DOK1: variants seen among roughly 807,000 people sequenced by gnomAD.
The protein encoded by DOK1 is docking protein 1.
DOK1 carries 12 observed loss-of-function variants against 24.0 expected under a neutral mutation model. That is an observed-to-expected ratio of 0.50 (90% confidence interval 0.32 to 0.81). The LOEUF is 0.81. Ranked by LOEUF, DOK1 falls within the 30% of genes least tolerant of loss-of-function variation. The pLI is 0.03. For synonymous variants in DOK1, 250 were observed against 260.9 expected (o/e 0.96, Z 0.40); for missense variants, 591 against 620.7 (o/e 0.95, Z 0.51).
At position 74,557,271 on chromosome 2, in the gene DOK1, A is replaced by G. The variant is rs2104477052; in HGVS notation, c.*157A>G. ...GGATGGGAGAGTCAAGGGAAGGACA[A>G]TCCCAGGAAGTCCTAAGAAGTGGGG... On this transcript the variant is annotated 3_prime_UTR_variant, in exon 5 of 5. Transcript: ENST00000233668. The G allele has an allele frequency of 1.3e-6, 1 of 759,104 alleles. No individual in the cohort carries two copies. The highest frequency in any genetic ancestry group is 2.7e-5 in the East Asian group (1 of 36,710). 47.0% of individuals were successfully genotyped at this position (759,104 alleles called of 1,614,324 possible).
chr2:74,549,246 T>C lies in DOK1; in HGVS notation c.-358+74T>C. On this transcript the variant is annotated intron_variant, in intron 1 of 4. Coordinates refer to the DOK1 transcript ENST00000409429. The surrounding 1 kb of genome is among the most constrained non-coding windows in gnomAD (Gnocchi z 5.3). ...CCAGCTTTGCAACGGCCTCCATATT[T>C]TCCCGCGCGTCCCGACCCCCGGGTC... 1 of 1,142,946 alleles carries C rather than the reference T, an allele frequency of 8.7e-7. No homozygotes were observed. 70.8% of individuals were successfully genotyped at this position (1,142,946 alleles called of 1,614,324 possible).
chr2:74,555,061 C>T lies in DOK1; in HGVS notation c.61-93C>T, dbSNP rs1417049904. 1 of 1,484,168 alleles carries T rather than the reference C, an allele frequency of 6.7e-7. No individual in the cohort carries two copies. The highest frequency in any genetic ancestry group is 9.0e-7 in the Non-Finnish European group (1 of 1,110,784). The allele number at this position is 1,484,168 out of a possible 1,614,324, so 91.9% of individuals were successfully genotyped here. ...CAACCCCGTTTGGAAGCCCCAGATC[C>T]CAAATCGACTTGCGCCGCAACCTCC... On this transcript the variant is annotated intron_variant, in intron 1 of 4. Transcript: ENST00000233668. The surrounding 1 kb of genome is among the most constrained non-coding windows in gnomAD (Gnocchi z 6.1).
upstream of DOK1, chr2:74,552,526 CCTT>C (rs1274995640): frequency 3.1e-6 from 5 of 1,613,344 alleles, no homozygotes; most frequent in Non-Finnish European, 4.2e-6. Flanking sequence ...TGGCTCCCGG[CCTT>C]CTTCTCAGGG....
At position 74,556,514 on chromosome 2, in the gene DOK1, A is replaced by C; in HGVS notation, c.846A>C (p.Pro282=). 6.2e-7 allele frequency: 1 copy of C among 1,614,098 alleles called. No individual in the cohort carries two copies. Among genetic ancestry groups the C allele is most frequent in the Non-Finnish European group, 8.5e-7 (1 of 1,179,994 alleles). ...GEVAEGKLPS[P]PGPQELLDSP... is the part of the protein sequence containing the mutation. ...TGGCAGAGGGGAAGTTGCCTTCCCC[A>C]CCTGGCCCCCAAGAGCTCCTCGACA... Residue 282 remains proline, a synonymous_variant, in exon 5 of 5, where the codon CCA becomes CCC. Coordinates refer to ENST00000233668, the MANE Select transcript of DOK1 (RefSeq NM_001381.5). The surrounding 1 kb of genome is among the most constrained non-coding windows in gnomAD (Gnocchi z 4.1).
In DOK1 at chr2:74,557,236, G is replaced by A; in HGVS notation, c.*122G>A. On this transcript the variant is annotated 3_prime_UTR_variant, in exon 5 of 5. Coordinates refer to ENST00000233668, the MANE Select transcript of DOK1 (RefSeq NM_001381.5). ...GAGGGGCCATGCTGTGTGAGACCAGGGGACCAGAGGGATGGGAGAGTCAAG... is the reference window on the plus strand; with the variant it reads ...GAGGGGCCATGCTGTGTGAGACCAGAGGACCAGAGGGATGGGAGAGTCAAG... 4.1e-6 allele frequency: 4 copies of A among 984,492 alleles called. No individual in the cohort carries two copies. The highest frequency in any genetic ancestry group is 5.9e-6 in the Non-Finnish European group (4 of 682,708). The allele number at this position is 984,492 out of a possible 1,614,324, so 61.0% of individuals were successfully genotyped here. A position where few individuals can be genotyped will look rare whatever the true frequency, so the allele number is the denominator to read the frequency against.
At chr2:74,550,082 T>G, upstream of DOK1, 1 of 1,485,750 alleles carries the variant, frequency 6.7e-7, no homozygotes, top group Non-Finnish European at 8.9e-7. Flanking sequence ...CCAATCCAAA[T>G]GATCCCCCAG....
At position 74,556,036 on chromosome 2, in the gene DOK1, G is replaced by A. The variant is rs749346210; in HGVS notation, c.597G>A (p.Leu199=). 2 of 1,611,230 alleles carry A rather than the reference G, an allele frequency of 1.2e-6. No homozygotes were observed. Residue 199 remains leucine, a synonymous_variant, in exon 4 of 5, where the codon CTG becomes CTA. Transcript: ENST00000233668. This position sits in a 1 kb window ranked among gnomAD's most constrained non-coding sequence, Gnocchi z 4.1. The part of the protein sequence containing the change: ...GAQSQILEPL[L]SWPYTLLRRY... The stretch of plus-strand genomic sequence containing the variant: ...AGAGTCAGATACTGGAGCCACTCCT[G>A]TCCTGGCCCTACACTCTGTTGCGTC...
Position 74,555,612 on chromosome 2 carries a change from C to G in DOK1, c.398C>G (p.Pro133Arg). The G allele has an allele frequency of 6.2e-7, 1 of 1,614,212 alleles. No individual in the cohort carries two copies. Among genetic ancestry groups the G allele is most frequent in the Non-Finnish European group, 8.5e-7 (1 of 1,180,030 alleles). The change falls in exon 3 of 5, where the codon CCT becomes CGT. Residue 133 changes from proline to arginine, a missense_variant. Coordinates refer to ENST00000233668, the MANE Select transcript of DOK1 (RefSeq NM_001381.5). This position sits in a 1 kb window ranked among gnomAD's most constrained non-coding sequence, Gnocchi z 6.1. ...SWTLAPTDNP[P>R]KLSALEMLEN... Reference sequence around the variant, plus strand: ...ACTCTGGCGCCTACCGATAACCCACCTAAGCTTTCTGCCCTGGAGATGCTG... The same window carrying G: ...ACTCTGGCGCCTACCGATAACCCACGTAAGCTTTCTGCCCTGGAGATGCTG...
chr2:74,550,107 TA>T, upstream of DOK1: 1 of 1,517,924 alleles, frequency 6.6e-7, no homozygotes. Flanking sequence ...AACTACCTTC[TA>T]ATGTCTCCGC....
chr2:74,553,006 A>G, upstream of DOK1: 1 of 231,746 alleles, frequency 4.3e-6, no homozygotes, highest in Non-Finnish European at 8.4e-6. Flanking sequence ...TGTGGGAATG[A>G]GAGAGAGAAA....
At chr2:74,553,716 T>G (rs1381582425), upstream of DOK1, among the ~76,000 whole-genome samples, 1 of 152,132 alleles carries the variant, frequency 6.6e-6, no homozygotes, top group Non-Finnish European at 1.5e-5. Flanking sequence ...GGTATGTGCC[T>G]CCTCCGTGTA....
chr2:74,550,061 C>T (rs2104444007), upstream of DOK1: 4 of 1,475,290 alleles, frequency 2.7e-6, no homozygotes, highest in South Asian at 1.4e-5. Flanking sequence ...TTTGCTTTTC[C>T]AAGTCTCCCA....
In DOK1 at chr2:74,556,349, C is replaced by T; in HGVS notation, c.681C>T (p.Gly227=). ...SFEAGRRCPS[G]PGTFTFQTAQ... ...AGGCCGGCCGCCGCTGCCCCTCAGG[C>T]CCTGGAACCTTCACCTTCCAGACGG... The change falls in exon 5 of 5, where the codon GGC becomes GGT. Residue 227 remains glycine, a synonymous_variant. Transcript: ENST00000233668. This position sits in a 1 kb window ranked among gnomAD's most constrained non-coding sequence, Gnocchi z 4.1. 1.2e-6 allele frequency: 2 copies of T among 1,613,762 alleles called. No homozygotes were observed. Among genetic ancestry groups the T allele is most frequent in the South Asian group, 1.1e-5 (1 of 91,084 alleles).
chr2:74,554,260 G>C (rs1677221626), upstream of DOK1: 1 of 156,102 alleles, frequency 6.4e-6, no homozygotes, highest in South Asian at 1.7e-4. The surrounding 1 kb of genome is among the most constrained non-coding windows in gnomAD (Gnocchi z 4.9). Context: ...CGGTGGTGGC[G>C]GGAAGCGGTT....
chr2:74,554,514 C>T, upstream of DOK1: 1 of 568,696 alleles, frequency 1.8e-6, no homozygotes, highest in African/African-American at 1.9e-5. This position sits in a 1 kb window ranked among gnomAD's most constrained non-coding sequence, Gnocchi z 4.9. Flanking sequence ...CGAGGACTTT[C>T]GGTGGAGCCA....
chr2:74,551,481 C>T (rs566977814), upstream of DOK1, among the ~76,000 whole-genome samples: 58 of 152,252 alleles, frequency 3.8e-4, no homozygotes, highest in Non-Finnish European at 7.2e-4. Context: ...TTCAGCCACA[C>T]GACTGTCCTT....
chr2:74,555,226 C>T lies in DOK1; in HGVS notation c.133C>T (p.His45Tyr). 6.2e-7 allele frequency: 1 copy of T among 1,613,750 alleles called. No individual in the cohort carries two copies. ...HGVARLEFFD[H>Y]KGSSSGGGRG... ...CGTAGCGCGGCTCGAGTTCTTTGACCATAAGGGGTCGAGCTCTGGGGGTGG... is the reference window on the plus strand; with the variant it reads ...CGTAGCGCGGCTCGAGTTCTTTGACTATAAGGGGTCGAGCTCTGGGGGTGG... The change falls in exon 2 of 5, where the codon CAT becomes TAT. Residue 45 changes from histidine (H) to tyrosine (Y), a missense_variant. Physicochemically the swap from His to Tyr is moderately conservative, Grantham distance 83. Coordinates refer to ENST00000233668, the MANE Select transcript of DOK1 (RefSeq NM_001381.5). The surrounding 1 kb of genome is among the most constrained non-coding windows in gnomAD (Gnocchi z 6.1).
At chr2:74,554,675 T>G, upstream of DOK1, 1 of 1,458,804 alleles carries the variant, frequency 6.9e-7, no homozygotes, top group Non-Finnish European at 9.4e-7. The surrounding 1 kb of genome is among the most constrained non-coding windows in gnomAD (Gnocchi z 4.9). Context: ...GGGCGGAAAC[T>G]CCTCCAGGGA....
In DOK1 at chr2:74,555,321, C is replaced by G; in HGVS notation, c.228C>G (p.Val76=). The G allele has an allele frequency of 6.2e-7, 1 of 1,614,076 alleles. No individual in the cohort carries two copies. Among genetic ancestry groups the G allele is most frequent in the Non-Finnish European group, 8.5e-7 (1 of 1,179,990 alleles). The stretch of plus-strand genomic sequence containing the variant: ...CTGAGTGTGTGAGTGTGGCCCCCGT[C>G]ACCGTGGAGACCCCCCCTGAGCCCG... ...RLAECVSVAP[V]TVETPPEPGA... The change falls in exon 2 of 5, where the codon GTC becomes GTG. Residue 76 remains valine (V), a synonymous_variant. Coordinates refer to ENST00000233668, the MANE Select transcript of DOK1 (RefSeq NM_001381.5). This position sits in a 1 kb window ranked among gnomAD's most constrained non-coding sequence, Gnocchi z 6.1.
Sources: allele counts gnomAD v4.1 joint callset (sites outside exome capture counted in the v4.1 genomes callset), GRCh38; gene constraint gnomAD v4.1.1; non-coding constraint Gnocchi (gnomAD v3.1); transcripts MANE v1.5; gene names NCBI Gene and HGNC (gene_info 2026-07-23, HGNC 2026-07-21).